Variants in LARP4B observed in about 807,000 individuals in gnomAD.
The protein encoded by LARP4B is La ribonucleoprotein 4B.
Under a neutral mutation model 89.8 loss-of-function variants are expected in LARP4B, and 12 were observed. The observed-to-expected ratio is 0.13, with a 90% confidence interval of 0.09 to 0.22. LARP4B has a LOEUF of 0.22. Among genes scored for constraint, LARP4B ranks in the 10% least tolerant of loss-of-function variants. The pLI, the probability that LARP4B is intolerant of heterozygous loss-of-function variation, is 1.00. For missense variants in LARP4B, 757 were observed against 947.7 expected (o/e 0.80, Z 2.64); for synonymous variants, 367 against 363.3 (o/e 1.01, Z -0.12).
Position 849,004 on chromosome 10 carries a change from C to A in LARP4B, c.431-3949G>T, listed in dbSNP as rs183699448. On this transcript the variant is annotated intron_variant, in intron 5 of 17. Transcript: ENST00000316157. ...CAAAAGGCATGATGACCAAAGCATCCGGGCCACGAGAGAAACGGCGGCAGA... is the reference window on the plus strand; with the variant it reads ...CAAAAGGCATGATGACCAAAGCATCAGGGCCACGAGAGAAACGGCGGCAGA... 1.1e-4 allele frequency among the ~76,000 whole-genome samples: 17 copies of A among 152,188 alleles called. No homozygotes were observed. In the East Asian group the frequency reaches 3.1e-3, roughly 28 times the overall value.
At chr10:915,586 C>T (rs1836795909) in intron 1 of LARP4B, among the ~76,000 whole-genome samples, 6 of 152,206 alleles carry the variant, frequency 3.9e-5, no homozygotes, top group African/African-American at 1.4e-4. Context: ...GGGTGGATCA[C>T]GAGGTCAGGA....
the LARP4B span, among the ~76,000 whole-genome samples, chr10:954,374 G>C: frequency 6.6e-6 from 1 of 152,186 alleles, no homozygotes; most frequent in African/African-American, 2.4e-5. The surrounding 1 kb of genome is among the most constrained non-coding windows in gnomAD (Gnocchi z 5.0). Context: ...CGAAAAGGGG[G>C]CTCTAAACAA....
chr10:817,124 G>A (rs1427833051), intron 15 of LARP4B, among the ~76,000 whole-genome samples: 3 of 152,196 alleles, frequency 2.0e-5, no homozygotes, highest in Non-Finnish European at 2.9e-5. Context: ...AGCCTTCAAC[G>A]CCAGGTGTGG....
At chr10:956,471 T>G in the LARP4B span, among the ~76,000 whole-genome samples, 323 of 151,436 alleles carry the variant, frequency 2.1e-3, 1 homozygote, top group African/African-American at 7.3e-3. The surrounding 1 kb of genome is among the most constrained non-coding windows in gnomAD (Gnocchi z 4.3). Context: ...TCAGCCTCCC[T>G]AGTAGCTGGG....
rs189330462 is a variant in LARP4B at position 895,285 on chromosome 10, A to G, written c.-39-9525T>C. On this transcript the variant is annotated intron_variant, in intron 1 of 17. Coordinates refer to ENST00000316157, the MANE Select transcript of LARP4B (RefSeq NM_015155.3). ...GAAAACCTAACTTGGATATATTATCAGTACACACTTAAGACTTCATATGCT... is the reference window on the plus strand; with the variant it reads ...GAAAACCTAACTTGGATATATTATCGGTACACACTTAAGACTTCATATGCT... 1.3e-4 allele frequency among the ~76,000 whole-genome samples: 20 copies of G among 152,262 alleles called. No individual in the cohort carries two copies. The East Asian group carries it at 3.9e-3, about 29-fold the overall frequency.
At chr10:984,040 C>T in the LARP4B span, among the ~76,000 whole-genome samples, 17 of 152,178 alleles carry the variant, frequency 1.1e-4, no homozygotes, top group African/African-American at 4.1e-4. Flanking sequence ...ACGGAAATTG[C>T]TAAAGCATTA....
intron 1 of LARP4B, among the ~76,000 whole-genome samples, chr10:886,557 T>C (rs61830931): frequency 0.11 from 16,754 of 152,222 alleles, 1,176 homozygotes; most frequent in Non-Finnish European, 0.16. Context: ...TAGTTGTCCA[T>C]CAATGGACAA....
intron 8 of LARP4B, among the ~76,000 whole-genome samples, chr10:833,259 A>AAC (rs1833006883): frequency 9.7e-6 from 1 of 103,106 alleles, no homozygotes; most frequent in African/African-American, 3.2e-5. Context: ...TAAAAAAAAA[A>AAC]AAAAAAAAAA....
At chr10:909,094 A>G (rs558878021) in intron 1 of LARP4B, among the ~76,000 whole-genome samples, 2 of 152,204 alleles carry the variant, frequency 1.3e-5, no homozygotes, top group East Asian at 1.9e-4. Context: ...GGAGATCAAG[A>G]TCATCCTGGC....
At chr10:838,050 A>G (rs1833322456) in intron 7 of LARP4B, among the ~76,000 whole-genome samples, 1 of 152,234 alleles carries the variant, frequency 6.6e-6, no homozygotes, top group African/African-American at 2.4e-5. Flanking sequence ...GCAAAGGAGC[A>G]TCTTTTCAAC....
intron 3 of LARP4B, among the ~76,000 whole-genome samples, chr10:876,383 C>T (rs1306342490): frequency 6.6e-6 from 1 of 151,642 alleles, no homozygotes; most frequent in Non-Finnish European, 1.5e-5. Flanking sequence ...AAAACTCCGT[C>T]TCAGAAAAAA....
At chr10:968,052 C>A in the LARP4B span, among the ~76,000 whole-genome samples, 3 of 152,126 alleles carry the variant, frequency 2.0e-5, no homozygotes, top group Admixed American at 6.5e-5. Context: ...GTTATCCCCT[C>A]ATATGTGTGG....
chr10:956,345 T>C, the LARP4B span, among the ~76,000 whole-genome samples: 2,317 of 150,234 alleles, frequency 0.015, 64 homozygotes, highest in African/African-American at 0.053. This position sits in a 1 kb window ranked among gnomAD's most constrained non-coding sequence, Gnocchi z 4.3. Context: ...CAGAAATTCT[T>C]TTTTTTTTTC....
intron 13 of LARP4B, among the ~76,000 whole-genome samples, chr10:823,494 G>A (rs1832460857): frequency 6.6e-6 from 1 of 152,108 alleles, no homozygotes; most frequent in South Asian, 2.1e-4. Flanking sequence ...CATTTTGTGA[G>A]GTAGCTGGAA....
chr10:935,130 T>C (rs1830730522), upstream of LARP4B, among the ~76,000 whole-genome samples: 5 of 152,174 alleles, frequency 3.3e-5, no homozygotes, highest in Admixed American at 3.3e-4. Context: ...CACACTCACT[T>C]TCCGAGCATT....
chr10:921,372 T>C (rs1475977574), intron 1 of LARP4B, among the ~76,000 whole-genome samples: 1 of 152,190 alleles, frequency 6.6e-6, no homozygotes, highest in Non-Finnish European at 1.5e-5. Context: ...TGTGGCCATA[T>C]AACGATTTTG....
the LARP4B span, among the ~76,000 whole-genome samples, chr10:950,215 C>G: frequency 6.6e-6 from 1 of 152,140 alleles, no homozygotes; most frequent in African/African-American, 2.4e-5. Flanking sequence ...CTTAACATAG[C>G]CTTTTGCGGA....
At chr10:825,969 G>C in intron 11 of LARP4B, 99 bp from the exon 12 acceptor site, 1 of 785,048 alleles carries the variant, frequency 1.3e-6, no homozygotes. Context: ...ATTTCTTGAT[G>C]TTGTCAGAGT....
chr10:968,002 C>A, the LARP4B span, among the ~76,000 whole-genome samples: 2 of 152,166 alleles, frequency 1.3e-5, no homozygotes, highest in Non-Finnish European at 2.9e-5. Context: ...GCGCCCGGCC[C>A]TGTTTTCTAT....
Sources: allele counts gnomAD v4.1 joint callset (sites outside exome capture counted in the v4.1 genomes callset), GRCh38; gene constraint gnomAD v4.1.1; non-coding constraint Gnocchi (gnomAD v3.1); transcripts MANE v1.5; gene names NCBI Gene and HGNC (gene_info 2026-07-23, HGNC 2026-07-21).